Variants in SCHIP1 observed in about 807,000 individuals in gnomAD.
SCHIP1 encodes schwannomin interacting protein 1.
SCHIP1 carries 8 observed loss-of-function variants against 29.7 expected under a neutral mutation model. That is an observed-to-expected ratio of 0.27 (90% CI 0.16 to 0.49). The LOEUF (loss-of-function observed/expected upper bound fraction) is 0.49, where lower values mean the gene tolerates loss of function less well. Ranked by LOEUF, SCHIP1 falls within the 20% of genes least tolerant of loss-of-function variation. SCHIP1 has a pLI of 0.99. For synonymous variants in SCHIP1, 76 were observed against 94.9 expected, an observed-to-expected ratio of 0.80 and a Z score of 1.16; for missense variants, 193 against 294.6, an observed-to-expected ratio of 0.66 and a Z score of 2.52.
the SCHIP1 span, among the ~76,000 whole-genome samples, chr3:159,574,805 A>G: frequency 6.6e-6 from 1 of 152,320 alleles, no homozygotes; most frequent in African/African-American, 2.4e-5. Context: ...TACCTACTAA[A>G]GCCCCAGCAA....
the SCHIP1 span, among the ~76,000 whole-genome samples, chr3:159,735,265 T>C: frequency 4.3e-3 from 653 of 151,742 alleles, 3 homozygotes; most frequent in African/African-American, 0.015. Context: ...AGTCTTGCTC[T>C]GTCGCCCAGG....
the SCHIP1 span, among the ~76,000 whole-genome samples, chr3:159,745,743 T>C: frequency 6.6e-6 from 1 of 152,256 alleles, no homozygotes; most frequent in African/African-American, 2.4e-5. Flanking sequence ...GTGACCTTGT[T>C]TAGTAGATTA....
the SCHIP1 span, among the ~76,000 whole-genome samples, chr3:159,706,768 G>A: frequency 1.3e-5 from 2 of 152,192 alleles, no homozygotes; most frequent in African/African-American, 4.8e-5. Context: ...TTCAAAAATG[G>A]AGTGTTCAAG....
the SCHIP1 span, among the ~76,000 whole-genome samples, chr3:159,563,155 G>A: frequency 6.6e-6 from 1 of 152,176 alleles, no homozygotes; most frequent in Non-Finnish European, 1.5e-5. Flanking sequence ...CTCCCTGGCA[G>A]CAAGTTGGAG....
the SCHIP1 span, among the ~76,000 whole-genome samples, chr3:159,283,378 C>T: frequency 1.3e-5 from 2 of 152,210 alleles, no homozygotes; most frequent in Non-Finnish European, 2.9e-5. Context: ...GTCTCGAACT[C>T]CTGACCTCAG....
the SCHIP1 span, among the ~76,000 whole-genome samples, chr3:159,615,411 G>A: frequency 1.3e-5 from 2 of 152,224 alleles, no homozygotes; most frequent in Non-Finnish European, 2.9e-5. Context: ...AACAGTAGAG[G>A]AAAAGACAGC....
At chr3:159,658,418 T>C in the SCHIP1 span, among the ~76,000 whole-genome samples, 5 of 152,208 alleles carry the variant, frequency 3.3e-5, no homozygotes, top group East Asian at 9.6e-4. Flanking sequence ...CCCAGTTTTT[T>C]ACATACTGTT....
chr3:159,828,388 C>CGTAT, the SCHIP1 span, among the ~76,000 whole-genome samples: 2 of 65,326 alleles, frequency 3.1e-5, no homozygotes, highest in African/African-American at 9.1e-5. Context: ...TATATATATA[C>CGTAT]ATATATACGT....
chr3:159,438,352 C>G, the SCHIP1 span, among the ~76,000 whole-genome samples: 2 of 152,068 alleles, frequency 1.3e-5, no homozygotes, highest in African/African-American at 4.8e-5. Flanking sequence ...GGACTAAGAT[C>G]ACCTGATCCT....
the SCHIP1 span, among the ~76,000 whole-genome samples, chr3:159,447,461 A>G: frequency 6.6e-6 from 1 of 152,156 alleles, no homozygotes; most frequent in Non-Finnish European, 1.5e-5. Flanking sequence ...AAAATACACG[A>G]GAGTCTGGGC....
At chr3:159,740,263 G>A in the SCHIP1 span, among the ~76,000 whole-genome samples, 1 of 152,244 alleles carries the variant, frequency 6.6e-6, no homozygotes, top group African/African-American at 2.4e-5. Flanking sequence ...AGAAAAGAGT[G>A]GGGAGGAGCT....
chr3:159,556,780 AG>A, the SCHIP1 span, among the ~76,000 whole-genome samples: 2 of 58,924 alleles, frequency 3.4e-5, no homozygotes, highest in Admixed American at 2.8e-4. Flanking sequence ...GGGTGGGGGG[AG>A]GGGGGAGGGA....
At chr3:159,844,781 A>G (rs1711560612) in intron 1 of SCHIP1, among the ~76,000 whole-genome samples, 1 of 152,224 alleles carries the variant, frequency 6.6e-6, no homozygotes, top group Admixed American at 6.5e-5. Flanking sequence ...GTGTATATAA[A>G]AACAATGACA....
At chr3:159,557,846 TC>T in the SCHIP1 span, among the ~76,000 whole-genome samples, 1 of 152,136 alleles carries the variant, frequency 6.6e-6, no homozygotes, top group Non-Finnish European at 1.5e-5. Context: ...AACTAAACTT[TC>T]CTCAAAACAA....
chr3:159,491,699 A>G, the SCHIP1 span, among the ~76,000 whole-genome samples: 1 of 152,236 alleles, frequency 6.6e-6, no homozygotes, highest in Admixed American at 6.5e-5. Flanking sequence ...GACAAAAGAC[A>G]GCAATAACCT....
At chr3:159,579,532 G>A in the SCHIP1 span, among the ~76,000 whole-genome samples, 6 of 152,148 alleles carry the variant, frequency 3.9e-5, no homozygotes, top group African/African-American at 1.2e-4. Flanking sequence ...ACCTAGCAGC[G>A]AAATAAGACA....
chr3:159,658,975 G>A, the SCHIP1 span, among the ~76,000 whole-genome samples: 1 of 152,144 alleles, frequency 6.6e-6, no homozygotes. Context: ...ACCAACATGT[G>A]TACCTGTCAG....
At chr3:159,592,315 G>A in the SCHIP1 span, among the ~76,000 whole-genome samples, 2 of 152,048 alleles carry the variant, frequency 1.3e-5, no homozygotes, top group Non-Finnish European at 2.9e-5. Flanking sequence ...AAGTACCTCT[G>A]AACGTACATT....
chr3:159,351,060 A>G, the SCHIP1 span, among the ~76,000 whole-genome samples: 6 of 152,234 alleles, frequency 3.9e-5, no homozygotes, highest in Non-Finnish European at 7.3e-5. Flanking sequence ...GGGTAAGAAA[A>G]GCATCATGTC....
Sources: allele counts gnomAD v4.1 joint callset (sites outside exome capture counted in the v4.1 genomes callset), GRCh38; gene constraint gnomAD v4.1.1; transcripts MANE v1.5; gene names NCBI Gene and HGNC (gene_info 2026-07-23, HGNC 2026-07-21).